The following PPARD variants were observed in gnomAD, a reference collection of about 807,000 sequenced individuals.
PPARD encodes peroxisome proliferator-activated receptor delta.
In PPARD, 6 loss-of-function variants were observed where a neutral mutation model predicts 39.5. That is an observed-to-expected ratio of 0.15 (90% confidence interval 0.08 to 0.30). The LOEUF is 0.30. Ranked by LOEUF, PPARD falls within the 10% of genes least tolerant of loss-of-function variation. The pLI is 1.00. For missense variants in PPARD, 397 were observed against 596.8 expected (o/e 0.67, Z 3.49); for synonymous variants, 210 against 231.3 (o/e 0.91, Z 0.83).
intron 2 of PPARD, among the ~76,000 whole-genome samples, chr6:35,407,590 C>T (rs1246554414): frequency 6.6e-6 from 1 of 151,754 alleles, no homozygotes; most frequent in African/African-American, 2.4e-5. Flanking sequence ...TGCAGCACAC[C>T]AGCATCGCAC....
In PPARD at chr6:35,412,567, A is replaced by G. The variant is rs2150787470; in HGVS notation, c.130+1350A>G. 6.6e-6 allele frequency among the ~76,000 whole-genome samples: 1 copy of G among 152,276 alleles called. No homozygotes were observed. Among genetic ancestry groups the G allele is most frequent in the East Asian group, 1.9e-4 (1 of 5,174 alleles). ...GCTCCTGTTTGGGTCTGCAGCTAAGATGGGTCTGAATCCTGGAGCCACACC... is the reference window on the plus strand; with the variant it reads ...GCTCCTGTTTGGGTCTGCAGCTAAGGTGGGTCTGAATCCTGGAGCCACACC... On this transcript the variant is annotated intron_variant, in intron 3 of 7. Coordinates refer to ENST00000360694, the MANE Select transcript of PPARD (RefSeq NM_006238.5). The surrounding 1 kb of genome is among the most constrained non-coding windows in gnomAD (Gnocchi z 4.1).
intron 2 of PPARD, among the ~76,000 whole-genome samples, chr6:35,387,162 A>C (rs1452292942): frequency 6.6e-6 from 1 of 152,018 alleles, no homozygotes; most frequent in African/African-American, 2.4e-5. Flanking sequence ...GTGGAGTTGC[A>C]TCAGTTGTTG....
At chr6:35,419,688 G>A (rs9658147) in intron 3 of PPARD, among the ~76,000 whole-genome samples, 4,097 of 152,282 alleles carry the variant, frequency 0.027, 108 homozygotes, top group African/African-American at 0.071. Flanking sequence ...TGCAAAACAC[G>A]TTGCACACAT....
At chr6:35,381,227 C>T (rs1763135608) in intron 2 of PPARD, among the ~76,000 whole-genome samples, 1 of 152,064 alleles carries the variant, frequency 6.6e-6, no homozygotes, top group Non-Finnish European at 1.5e-5. Context: ...TCCTCCTGAC[C>T]TCCAGTGAAC....
rs1766565703 is a variant in PPARD at position 35,426,199 on chromosome 6, T to G, written c.*120T>G. On this transcript the variant is annotated 3_prime_UTR_variant, in exon 8 of 8. Coordinates refer to ENST00000360694, the MANE Select transcript of PPARD (RefSeq NM_006238.5). Reference sequence around the variant, plus strand: ...GGCCTGGAGCAGCAGAGTCCCACGATCGCCCTCAGACACATGACACCCACG... The same window carrying G: ...GGCCTGGAGCAGCAGAGTCCCACGAGCGCCCTCAGACACATGACACCCACG... 1 of 1,395,626 alleles carries G rather than the reference T, an allele frequency of 7.2e-7. No homozygotes were observed. The highest frequency in any genetic ancestry group is 1.4e-5 in the African/African-American group (1 of 69,666). 86.5% of individuals were successfully genotyped at this position (1,395,626 alleles called of 1,614,324 possible). A position where few individuals can be genotyped will look rare whatever the true frequency, so the allele number is the denominator to read the frequency against.
chr6:35,357,225 C>T (rs1395138774), intron 2 of PPARD, among the ~76,000 whole-genome samples: 2 of 152,206 alleles, frequency 1.3e-5, no homozygotes, highest in African/African-American at 4.8e-5. Flanking sequence ...CTCTCCAAGC[C>T]CAGATGGGTT....
intron 2 of PPARD, among the ~76,000 whole-genome samples, chr6:35,365,483 A>T (rs1256971140): frequency 2.2e-5 from 3 of 136,140 alleles, no homozygotes; most frequent in Non-Finnish European, 4.6e-5. Context: ...CATTGTATGG[A>T]TGTGCCAGTC....
chr6:35,393,121 C>T (rs987014674), intron 2 of PPARD, among the ~76,000 whole-genome samples: 1 of 152,168 alleles, frequency 6.6e-6, no homozygotes, highest in African/African-American at 2.4e-5. Context: ...CTTGGTGAGG[C>T]ATAGGCTTTG....
chr6:35,355,542 G>A (rs1452578117), intron 2 of PPARD, among the ~76,000 whole-genome samples: 7 of 115,970 alleles, frequency 6.0e-5, no homozygotes, highest in African/African-American at 2.5e-4. Context: ...ACAGAGTAAG[G>A]CCCTGTCTGT....
intron 2 of PPARD, among the ~76,000 whole-genome samples, chr6:35,347,980 T>C (rs963748636): frequency 6.6e-6 from 1 of 150,476 alleles, no homozygotes; most frequent in Non-Finnish European, 1.5e-5. Context: ...TGATCTCGGC[T>C]CACTGCAACC....
At chr6:35,417,810 G>A (rs370460894) in intron 3 of PPARD, among the ~76,000 whole-genome samples, 3 of 152,162 alleles carry the variant, frequency 2.0e-5, no homozygotes, top group Non-Finnish European at 2.9e-5. Context: ...GATTACAGGC[G>A]TGAGCCACCA....
At chr6:35,416,424 C>T (rs180818789) in intron 3 of PPARD, among the ~76,000 whole-genome samples, 578 of 128,838 alleles carry the variant, frequency 4.5e-3, no homozygotes, top group African/African-American at 0.015. Context: ...CTTCTTAGCA[C>T]ATTGTTTGGT....
chr6:35,396,513 C>T (rs1177563784), intron 2 of PPARD, among the ~76,000 whole-genome samples: 7 of 131,518 alleles, frequency 5.3e-5, no homozygotes, highest in Non-Finnish European at 9.4e-5. Context: ...CCTATTTCTT[C>T]TTCTTTAAAT....
rs1792096578 is a variant in PPARD, at chr6:35,345,152, G to C, written c.-185-1915G>C. On this transcript the variant is annotated intron_variant, in intron 1 of 7. Transcript: ENST00000360694. ...AAGGCCAGTCCTTGTGGAGCAGCTTGGGCACCAGCAGCCCTAGATGGATAG... is the reference window on the plus strand; with the variant it reads ...AAGGCCAGTCCTTGTGGAGCAGCTTCGGCACCAGCAGCCCTAGATGGATAG... Among the ~76,000 whole-genome samples, 6 of 152,262 alleles carry C rather than the reference G, an allele frequency of 3.9e-5. 1 individual carries two copies. In the South Asian group the frequency reaches 1.2e-3, roughly 32 times the overall value.
At chr6:35,352,399 C>T (rs371297310) in intron 2 of PPARD, among the ~76,000 whole-genome samples, 10 of 151,960 alleles carry the variant, frequency 6.6e-5, no homozygotes, top group Non-Finnish European at 8.8e-5. Flanking sequence ...TTGGTCAGGC[C>T]GGTCTCGAAC....
rs577606841 is a variant in PPARD, at chr6:35,401,910, C to T, written c.-101-9077C>T. ...GTCTTAGCTGAGAAGGGCTCTGGCT[C>T]GGTCTCTGGTGAGTCTCTCTGCTGG... On this transcript the variant is annotated intron_variant, in intron 2 of 7. Transcript: ENST00000360694. This position sits in a 1 kb window ranked among gnomAD's most constrained non-coding sequence, Gnocchi z 4.1. 1.3e-5 allele frequency among the ~76,000 whole-genome samples: 2 copies of T among 152,208 alleles called. No homozygotes were observed. Among genetic ancestry groups the T allele is most frequent in the Non-Finnish European group, 2.9e-5 (2 of 68,000 alleles).
intron 4 of PPARD, among the ~76,000 whole-genome samples, chr6:35,420,629 G>T (rs2150835240): frequency 6.6e-6 from 1 of 152,190 alleles, no homozygotes; most frequent in Middle Eastern, 3.4e-3. Flanking sequence ...CTCAAAGCGG[G>T]CTCTGAGAAA....
rs1764668740 is a variant in PPARD at position 35,401,088 on chromosome 6, C to T, written c.-101-9899C>T. Among the ~76,000 whole-genome samples, 1 of 152,118 alleles carries T rather than the reference C, an allele frequency of 6.6e-6. No homozygotes were observed. Among genetic ancestry groups the T allele is most frequent in the African/African-American group, 2.4e-5 (1 of 41,410 alleles). On this transcript the variant is annotated intron_variant, in intron 2 of 7. Coordinates refer to ENST00000360694, the MANE Select transcript of PPARD (RefSeq NM_006238.5). This position sits in a 1 kb window ranked among gnomAD's most constrained non-coding sequence, Gnocchi z 4.1. ...GACCAGGACCTCTGGGAGGCTGAAC[C>T]CTGGGAGGGCAGAGCAGGAACAGGC...
chr6:35,403,406 G>T lies in PPARD; in HGVS notation c.-101-7581G>T, dbSNP rs150793529. Among the ~76,000 whole-genome samples the T allele has an allele frequency of 2.5e-4, 38 of 152,288 alleles. No individual in the cohort carries two copies. The East Asian group carries it at 7.1e-3, about 29-fold the overall frequency. On this transcript the variant is annotated intron_variant, in intron 2 of 7. Coordinates refer to ENST00000360694, the MANE Select transcript of PPARD (RefSeq NM_006238.5). The stretch of plus-strand genomic sequence containing the variant: ...CATAGGATGGGAGGGATGAGCCAGG[G>T]TGTGAACCCAGGCCTGACTGAAGCC...
Sources: gnomAD v4.1 joint callset for allele counts (sites outside exome capture counted in the v4.1 genomes callset) on GRCh38, gnomAD v4.1.1 for gene constraint, Gnocchi (gnomAD v3.1) non-coding constraint, MANE v1.5 for transcripts, NCBI Gene and HGNC (gene_info 2026-07-23, HGNC 2026-07-21) for gene names.